Variants in COX10 observed in about 807,000 individuals in gnomAD.
COX10 encodes cytochrome c oxidase assembly factor heme A:farnesyltransferase COX10, also known as protoheme IX farnesyltransferase, mitochondrial.
In COX10, 27 loss-of-function variants were observed where a neutral mutation model predicts 37.3. The observed-to-expected ratio is 0.72, with a 90% CI of 0.53 to 1.00. COX10 has a LOEUF of 1.00. Among genes scored for constraint, COX10 ranks in the 50% least tolerant of loss-of-function variants. The pLI, the probability that COX10 is intolerant of heterozygous loss-of-function variation, is 0.00. For synonymous variants in COX10, 222 were observed against 229.1 expected (o/e 0.97, Z 0.28); for missense variants, 475 against 563.2 (o/e 0.84, Z 1.59).
At chr17:14,135,950 T>G (rs1904348874) in intron 4 of COX10, among the ~76,000 whole-genome samples, 1 of 151,990 alleles carries the variant, frequency 6.6e-6, no homozygotes, top group Admixed American at 6.6e-5. Flanking sequence ...TTTGTTTTCT[T>G]CAGGCATTTT....
At chr17:14,074,748 G>A (rs1353567979) in intron 2 of COX10, among the ~76,000 whole-genome samples, 3 of 152,180 alleles carry the variant, frequency 2.0e-5, no homozygotes, top group African/African-American at 4.8e-5. Context: ...AAGCTGAACT[G>A]TTGTGATACA....
intron 4 of COX10, among the ~76,000 whole-genome samples, chr17:14,129,704 C>G (rs559705889): frequency 6.6e-6 from 1 of 152,234 alleles, no homozygotes; most frequent in South Asian, 2.1e-4. Flanking sequence ...TAGCAAAAGA[C>G]GTGAAGATGC....
chr17:14,095,002 G>GA (rs769018924), intron 3 of COX10, among the ~76,000 whole-genome samples: 2 of 149,244 alleles, frequency 1.3e-5, no homozygotes, highest in Non-Finnish European at 3.0e-5. Flanking sequence ...GTTGTGCTAA[G>GA]AAAAAAAAAA....
At chr17:14,110,449 A>G (rs911043618) in intron 4 of COX10, among the ~76,000 whole-genome samples, 1 of 151,978 alleles carries the variant, frequency 6.6e-6, no homozygotes, top group Non-Finnish European at 1.5e-5. Context: ...TTGAGACATA[A>G]TGGAAATGAT....
intron 3 of COX10, 25 bp downstream of exon 3, chr17:14,077,081 A>G (rs1228172177): frequency 7.5e-6 from 12 of 1,607,346 alleles, no homozygotes; most frequent in Non-Finnish European, 1.0e-5. Flanking sequence ...TGATATACTT[A>G]CTTATTTGAA....
Position 14,166,373 on chromosome 17 carries a change from T to C in COX10, c.695+6426T>C, listed in dbSNP as rs375715970. ...AGAATTACACTAAATCTATTCTGCC[T>C]GTACTCTATAAATGGAAAACAAAGC... On this transcript the variant is annotated intron_variant, in intron 5 of 6. Coordinates refer to ENST00000261643, the MANE Select transcript of COX10 (RefSeq NM_001303.4). 6.6e-5 allele frequency among the ~76,000 whole-genome samples: 10 copies of C among 152,340 alleles called. No homozygotes were observed. In the South Asian group the frequency reaches 1.0e-3, roughly 16 times the overall value.
chr17:14,169,873 G>A (rs889802571), intron 5 of COX10, among the ~76,000 whole-genome samples: 1 of 152,138 alleles, frequency 6.6e-6, no homozygotes, highest in African/African-American at 2.4e-5. Context: ...GAGGTGTTCG[G>A]GTTATGGGAT....
chr17:14,139,623 G>T (rs959304017), intron 4 of COX10, among the ~76,000 whole-genome samples: 7 of 152,152 alleles, frequency 4.6e-5, no homozygotes, highest in African/African-American at 1.7e-4. Flanking sequence ...TATAAAAGTT[G>T]CATAGTGATT....
chr17:14,205,071 C>T (rs534668426), intron 6 of COX10, among the ~76,000 whole-genome samples: 13 of 152,188 alleles, frequency 8.5e-5, no homozygotes, highest in Non-Finnish European at 1.9e-4. Context: ...TGTGCCACTG[C>T]ACTCCAGCCA....
chr17:14,175,092 G>A lies in COX10; in HGVS notation c.695+15145G>A, dbSNP rs74714447. On this transcript the variant is annotated intron_variant, in intron 5 of 6. Coordinates refer to ENST00000261643, the MANE Select transcript of COX10 (RefSeq NM_001303.4). ...GGTTACTGGGAAATAGCGGGGGGGG[G>A]GGGGGTGGATAGGAGGGAATTGGCT... Among the ~76,000 whole-genome samples, 88 of 70,018 alleles carry A rather than the reference G, an allele frequency of 1.3e-3. 26 individuals carry two copies. Among genetic ancestry groups the A allele is most frequent in the Non-Finnish European group, 1.7e-3 (46 of 27,564 alleles). The allele number at this position is 70,018 out of a possible 152,430, so 45.9% of individuals were successfully genotyped here.
intron 4 of COX10, among the ~76,000 whole-genome samples, chr17:14,113,137 G>A (rs1236579855): frequency 2.0e-5 from 3 of 152,092 alleles, no homozygotes; most frequent in Admixed American, 6.6e-5. Context: ...CAGCTAAAAC[G>A]TCATTCATTC....
intron 5 of COX10, chr17:14,177,287 A>G (rs1160763116): frequency 2.8e-6 from 2 of 713,588 alleles, no homozygotes. Flanking sequence ...TTGGTTGTTT[A>G]GTTCTAGTCT....
intron 3 of COX10, among the ~76,000 whole-genome samples, chr17:14,097,786 T>C (rs1915682297): frequency 6.6e-6 from 1 of 152,184 alleles, no homozygotes; most frequent in Non-Finnish European, 1.5e-5. Context: ...AAAAATTTGT[T>C]AAGCACAATA....
intron 6 of COX10, among the ~76,000 whole-genome samples, chr17:14,198,804 G>A (rs1326860812): frequency 6.6e-6 from 1 of 152,130 alleles, no homozygotes; most frequent in Non-Finnish European, 1.5e-5. Flanking sequence ...CTAAGTACCA[G>A]GTACTGTTTA....
At chr17:14,148,851 A>G (rs1307856930) in intron 4 of COX10, among the ~76,000 whole-genome samples, 3 of 151,270 alleles carry the variant, frequency 2.0e-5, no homozygotes, top group Non-Finnish European at 2.9e-5. Flanking sequence ...AGGAAGATTA[A>G]TAAGTGTATT....
chr17:14,127,848 GCAC>G (rs1916377779), intron 4 of COX10, among the ~76,000 whole-genome samples: 1 of 151,878 alleles, frequency 6.6e-6, no homozygotes, highest in South Asian at 2.1e-4. Flanking sequence ...ATCAAAGTTA[GCAC>G]CACCTTTAGA....
At chr17:14,111,319 C>T (rs903342392) in intron 4 of COX10, among the ~76,000 whole-genome samples, 1 of 152,118 alleles carries the variant, frequency 6.6e-6, no homozygotes, top group Non-Finnish European at 1.5e-5. Context: ...CCTTCAGATC[C>T]TATGCCAGAT....
intron 5 of COX10, among the ~76,000 whole-genome samples, chr17:14,178,567 T>A: frequency 6.9e-6 from 1 of 145,582 alleles, no homozygotes; most frequent in African/African-American, 2.5e-5. Context: ...ATCCAGTTAC[T>A]CTTCTGTTTC....
chr17:14,113,643 A>G (rs1489234561), intron 4 of COX10, among the ~76,000 whole-genome samples: 2 of 152,142 alleles, frequency 1.3e-5, no homozygotes, highest in Admixed American at 1.3e-4. Flanking sequence ...GTCTTCTTGA[A>G]TTATATCGTA....
Sources: allele counts gnomAD v4.1 joint callset (sites outside exome capture counted in the v4.1 genomes callset), GRCh38; gene constraint gnomAD v4.1.1; transcripts MANE v1.5; gene names NCBI Gene and HGNC (gene_info 2026-07-23, HGNC 2026-07-21).